CACNA1E: variants seen among roughly 807,000 people sequenced by gnomAD.
The protein encoded by CACNA1E is calcium voltage-gated channel subunit alpha1 E.
A neutral mutation model predicts 259.2 loss-of-function variants in CACNA1E; 40 were observed. That is an observed-to-expected ratio of 0.15 (90% CI 0.12 to 0.20). The LOEUF (loss-of-function observed/expected upper bound fraction) is 0.20. Ranked by LOEUF, CACNA1E falls within the 10% of genes least tolerant of loss-of-function variation. CACNA1E has a pLI of 1.00. For missense variants in CACNA1E, 1,874 were observed against 3,040.1 expected, an observed-to-expected ratio of 0.62 and a Z score of 9.02; for synonymous variants, 1,104 against 1,138.5, an observed-to-expected ratio of 0.97 and a Z score of 0.61.
intron 6 of CACNA1E, among the ~76,000 whole-genome samples, chr1:181,601,334 G>T (rs953425492): frequency 6.6e-6 from 1 of 152,082 alleles, no homozygotes; most frequent in African/African-American, 2.4e-5. Flanking sequence ...TTGAGGGCCT[G>T]CCATGTGCTA....
chr1:181,577,718 G>C (rs376905881), intron 3 of CACNA1E, 48 bp from the exon 4 acceptor site: 7 of 1,315,136 alleles, frequency 5.3e-6, no homozygotes, highest in Admixed American at 1.9e-5. Context: ...GGAACAAGAG[G>C]GGAAAACCAG....
chr1:181,383,382 C>T (rs913819357), intron 1 of CACNA1E, among the ~76,000 whole-genome samples: 1 of 152,172 alleles, frequency 6.6e-6, no homozygotes, highest in African/African-American at 2.4e-5. Flanking sequence ...CTAAGATTCC[C>T]TGGTGAATGC....
intron 1 of CACNA1E, among the ~76,000 whole-genome samples, chr1:181,334,464 C>T (rs1651535386): frequency 6.6e-6 from 1 of 152,236 alleles, no homozygotes; most frequent in Non-Finnish European, 1.5e-5. Flanking sequence ...GGATGTCTGA[C>T]AGGCACATCA....
At chr1:181,709,755 A>C (rs2102417876) in intron 7 of CACNA1E, among the ~76,000 whole-genome samples, 1 of 152,166 alleles carries the variant, frequency 6.6e-6, no homozygotes, top group African/African-American at 2.4e-5. Flanking sequence ...AGCTTCCCAA[A>C]GTGCTGGGAT....
At chr1:181,479,074 C>T (rs1473973238), upstream of CACNA1E, among the ~76,000 whole-genome samples, 2 of 152,198 alleles carry the variant, frequency 1.3e-5, no homozygotes, top group Admixed American at 6.5e-5. Context: ...TGTTGGGTTT[C>T]CACTTTGCAG....
At chr1:181,641,778 A>G in intron 6 of CACNA1E, among the ~76,000 whole-genome samples, 1 of 117,156 alleles carries the variant, frequency 8.5e-6, no homozygotes. Flanking sequence ...TAGTGGTGTG[A>G]TCTCGGCTTA....
chr1:181,531,313 C>T (rs1267378570), intron 3 of CACNA1E, among the ~76,000 whole-genome samples: 1 of 152,220 alleles, frequency 6.6e-6, no homozygotes, highest in Admixed American at 6.5e-5. Flanking sequence ...GGATAGCCCC[C>T]TTCCTCTGTG....
At chr1:181,663,735 AG>A (rs1647920153) in intron 7 of CACNA1E, among the ~76,000 whole-genome samples, 1 of 152,244 alleles carries the variant, frequency 6.6e-6, no homozygotes, top group South Asian at 2.1e-4. Context: ...CCAGCTTACA[AG>A]CATTACAGAC....
intron 35 of CACNA1E, 61 bp downstream of exon 35, chr1:181,766,672 A>G: frequency 8.0e-7 from 1 of 1,253,094 alleles, no homozygotes; most frequent in East Asian, 2.4e-5. Context: ...TCTCTGGCTT[A>G]GCAACCTAAG....
chr1:181,374,545 C>G (rs1038802872), intron 1 of CACNA1E, among the ~76,000 whole-genome samples: 1 of 152,082 alleles, frequency 6.6e-6, no homozygotes, highest in African/African-American at 2.4e-5. Context: ...TAACTGCAGC[C>G]GTGGATTCCT....
At chr1:181,453,323 T>C (rs981879056) in intron 2 of CACNA1E, among the ~76,000 whole-genome samples, 34 of 152,336 alleles carry the variant, frequency 2.2e-4, no homozygotes, top group African/African-American at 7.7e-4. Flanking sequence ...TAGAATTTAG[T>C]GATAATTTCC....
rs113759178 is a variant in CACNA1E at position 181,791,653 on chromosome 1, C to T, written c.5898+1097C>T. Among the ~76,000 whole-genome samples the T allele has an allele frequency of 6.2e-3, 939 of 152,156 alleles. 9 individuals are homozygous for T. The highest frequency in any genetic ancestry group is 0.021 in the African/African-American group (868 of 41,486). On this transcript the variant is annotated intron_variant, in intron 44 of 47. Transcript: ENST00000367573. ...ATGAGCTCAAGGTCCCCCACCCCGA[C>T]CTTAGCTTAGAATTGAAGCCCAAGC...
At chr1:181,553,274 G>A (rs1423707369) in intron 3 of CACNA1E, among the ~76,000 whole-genome samples, 1 of 152,094 alleles carries the variant, frequency 6.6e-6, no homozygotes, top group African/African-American at 2.4e-5. Context: ...TTGTGAATTG[G>A]GAGTTCATTC....
At chr1:181,741,844 C>G (rs1656607508) in intron 25 of CACNA1E, among the ~76,000 whole-genome samples, 1 of 152,228 alleles carries the variant, frequency 6.6e-6, no homozygotes, top group East Asian at 1.9e-4. Flanking sequence ...AGACCAGGTA[C>G]AGTGCAGGGG....
At chr1:181,771,003 G>A (rs371129255) in intron 35 of CACNA1E, among the ~76,000 whole-genome samples, 1 of 152,202 alleles carries the variant, frequency 6.6e-6, no homozygotes, top group African/African-American at 2.4e-5. Context: ...ACCAGATTAG[G>A]TGTAGGAGGA....
chr1:181,566,823 A>G (rs1649878073), intron 3 of CACNA1E, among the ~76,000 whole-genome samples: 4 of 151,840 alleles, frequency 2.6e-5, no homozygotes, highest in Admixed American at 2.6e-4. Flanking sequence ...CACCTATAGC[A>G]GTGGTTCTCA....
At chr1:181,647,042 G>A (rs1020356288) in intron 6 of CACNA1E, among the ~76,000 whole-genome samples, 1 of 151,520 alleles carries the variant, frequency 6.6e-6, no homozygotes, top group East Asian at 2.0e-4. Context: ...CAGCCAGTGT[G>A]CCAGTCTAGG....
intron 1 of CACNA1E, among the ~76,000 whole-genome samples, chr1:181,496,374 A>T (rs1664753851): frequency 1.3e-5 from 2 of 152,184 alleles, no homozygotes; most frequent in Admixed American, 6.5e-5. Flanking sequence ...GGTAGCAAAA[A>T]ATTTCAGATG....
intron 2 of CACNA1E, among the ~76,000 whole-genome samples, chr1:181,426,510 T>G (rs78159525): frequency 7.8e-6 from 1 of 128,722 alleles, no homozygotes. Context: ...AACCCCTTCC[T>G]GTCTCAACCC....
Sources: gnomAD v4.1 joint callset for allele counts (sites outside exome capture counted in the v4.1 genomes callset) on GRCh38, gnomAD v4.1.1 for gene constraint, MANE v1.5 for transcripts, NCBI Gene and HGNC (gene_info 2026-07-23, HGNC 2026-07-21) for gene names.